ARHGAP24: variants seen among roughly 807,000 people sequenced by gnomAD.
ARHGAP24 encodes the protein rho GTPase-activating protein 24.
Under a neutral mutation model 76.4 loss-of-function variants are expected in ARHGAP24, and 50 were observed. That is an observed-to-expected ratio of 0.65 (90% CI 0.52 to 0.83). ARHGAP24 has a LOEUF of 0.83. ARHGAP24 is among the 40% of genes least tolerant of loss of function. The pLI is 0.00. For missense variants in ARHGAP24, 930 were observed against 914.2 expected (o/e 1.02, Z -0.22); for synonymous variants, 345 against 323.3 (o/e 1.07, Z -0.72).
At chr4:85,645,452 A>C (rs1560567218) in intron 2 of ARHGAP24, among the ~76,000 whole-genome samples, 1 of 152,130 alleles carries the variant, frequency 6.6e-6, no homozygotes, top group Non-Finnish European at 1.5e-5. Flanking sequence ...AGCAGAGAAC[A>C]GTTCTTGGTT....
intron 5 of ARHGAP24, among the ~76,000 whole-genome samples, chr4:85,957,263 G>A (rs1737974544): frequency 6.6e-6 from 1 of 152,146 alleles, no homozygotes; most frequent in African/African-American, 2.4e-5. Context: ...TGTATTCACA[G>A]TTTTCTTTAT....
chr4:85,574,297 T>C (rs1727272648), intron 2 of ARHGAP24, among the ~76,000 whole-genome samples: 1 of 152,192 alleles, frequency 6.6e-6, no homozygotes, highest in South Asian at 2.1e-4. Context: ...AGCAAAATTA[T>C]AATAATGACA....
chr4:85,664,099 C>T (rs1422463702), intron 2 of ARHGAP24, among the ~76,000 whole-genome samples: 1 of 151,318 alleles, frequency 6.6e-6, no homozygotes, highest in Non-Finnish European at 1.5e-5. Flanking sequence ...CCAGTTCCTC[C>T]TTGTACCTCT....
At chr4:85,565,863 A>G (rs1726820760) in intron 1 of ARHGAP24, among the ~76,000 whole-genome samples, 1 of 150,448 alleles carries the variant, frequency 6.6e-6, no homozygotes, top group South Asian at 2.1e-4. Context: ...CTATGTGTGT[A>G]TGGTTTGACT....
chr4:85,610,451 CAAAAAAAAAAAA>C (rs57348830), intron 2 of ARHGAP24, among the ~76,000 whole-genome samples: 94 of 51,244 alleles, frequency 1.8e-3, no homozygotes, highest in African/African-American at 7.4e-3. Flanking sequence ...ACTCCATCTA[CAAAAAAAAAAAA>C]AAAAAAAAAA....
chr4:85,643,224 G>GTTTTTTT (rs1333138659), intron 2 of ARHGAP24, among the ~76,000 whole-genome samples: 1 of 101,554 alleles, frequency 9.8e-6, no homozygotes, highest in African/African-American at 4.0e-5. Context: ...TTTATTTTCC[G>GTTTTTTT]TTTTTTTGTG....
At chr4:85,585,513 A>C (rs1727820200) in intron 2 of ARHGAP24, among the ~76,000 whole-genome samples, 1 of 152,094 alleles carries the variant, frequency 6.6e-6, no homozygotes, top group African/African-American at 2.4e-5. Flanking sequence ...ACTCTTCTTA[A>C]CTCTATTTCC....
chr4:85,747,504 C>G (rs1183299456), intron 3 of ARHGAP24, among the ~76,000 whole-genome samples: 1 of 152,136 alleles, frequency 6.6e-6, no homozygotes, highest in Non-Finnish European at 1.5e-5. Flanking sequence ...GAGATCGAGA[C>G]CATCCTGGCT....
intron 4 of ARHGAP24, among the ~76,000 whole-genome samples, chr4:85,924,366 A>G (rs1560721027): frequency 6.6e-6 from 1 of 152,198 alleles, no homozygotes; most frequent in African/African-American, 2.4e-5. Context: ...AAGAAAAGAT[A>G]AAAGATGTGA....
chr4:85,570,264 T>C (rs1727027063), intron 1 of ARHGAP24, among the ~76,000 whole-genome samples: 1 of 152,050 alleles, frequency 6.6e-6, no homozygotes, highest in South Asian at 2.1e-4. Context: ...CTTCTCCCAC[T>C]CCCTTCCCCT....
At chr4:85,782,488 G>C (rs1361137977) in intron 3 of ARHGAP24, among the ~76,000 whole-genome samples, 3 of 152,040 alleles carry the variant, frequency 2.0e-5, no homozygotes, top group Admixed American at 2.0e-4. Flanking sequence ...ACCTTATAAG[G>C]GTGCTTCTTA....
At chr4:85,623,814 G>C (rs919634900) in intron 2 of ARHGAP24, among the ~76,000 whole-genome samples, 3 of 151,360 alleles carry the variant, frequency 2.0e-5, no homozygotes, top group African/African-American at 7.3e-5. Flanking sequence ...CACATCCTTT[G>C]TAAGTTGGAT....
At chr4:85,975,107 C>T (rs560849423) in intron 7 of ARHGAP24, 146 bp downstream of exon 7, 1 of 734,882 alleles carries the variant, frequency 1.4e-6, no homozygotes, top group Admixed American at 2.2e-5. Context: ...ACAAGGTGAT[C>T]TCAGAGGCTT....
chr4:85,646,637 T>C (rs1364784566), intron 2 of ARHGAP24, among the ~76,000 whole-genome samples: 1 of 152,074 alleles, frequency 6.6e-6, no homozygotes, highest in East Asian at 1.9e-4. Context: ...CAATTAACTA[T>C]ATTTATTTAA....
At chr4:85,792,957 C>A (rs1384843937) in intron 3 of ARHGAP24, among the ~76,000 whole-genome samples, 1 of 151,982 alleles carries the variant, frequency 6.6e-6, no homozygotes, top group African/African-American at 2.4e-5. Flanking sequence ...TGAAGAAATT[C>A]TTGTTGAAAT....
At chr4:85,696,756 C>G (rs1171732141) in intron 2 of ARHGAP24, among the ~76,000 whole-genome samples, 2 of 152,166 alleles carry the variant, frequency 1.3e-5, no homozygotes, top group African/African-American at 4.8e-5. Flanking sequence ...AAATCATGTT[C>G]ATAGCTAAAT....
intron 8 of ARHGAP24, among the ~76,000 whole-genome samples, chr4:85,984,384 G>A (rs1489343342): frequency 6.6e-6 from 1 of 152,196 alleles, no homozygotes; most frequent in Non-Finnish European, 1.5e-5. Context: ...TTCTGGTGAG[G>A]ACCCATTTCC....
chr4:85,546,545 T>G (rs942377782), intron 1 of ARHGAP24, among the ~76,000 whole-genome samples: 3 of 152,210 alleles, frequency 2.0e-5, no homozygotes, highest in African/African-American at 7.2e-5. Flanking sequence ...AACAGAAATC[T>G]TAGATGTCAA....
At chr4:85,930,402 G>A in intron 4 of ARHGAP24, 8 of 986,218 alleles carry the variant, frequency 8.1e-6, no homozygotes, top group Non-Finnish European at 9.6e-6. Flanking sequence ...TCTGGAGAAG[G>A]TGCCATTATT....
Sources: gnomAD v4.1 joint callset for allele counts (sites outside exome capture counted in the v4.1 genomes callset) on GRCh38, gnomAD v4.1.1 for gene constraint, MANE v1.5 for transcripts, NCBI Gene and HGNC (gene_info 2026-07-23, HGNC 2026-07-21) for gene names.